The following ST18 variants were observed in gnomAD, a reference collection of about 807,000 sequenced individuals.
ST18 encodes the protein suppression of tumorigenicity 18 protein.
A neutral mutation model predicts 110.0 loss-of-function variants in ST18; 50 were observed. That is an observed-to-expected ratio of 0.45 (90% CI 0.36 to 0.58). ST18 has a LOEUF of 0.58. Ranked by LOEUF, ST18 falls within the 20% of genes least tolerant of loss-of-function variation. The probability of loss-of-function intolerance (pLI) is 0.00; values close to 1 mark genes in which losing one functional copy is unlikely to be tolerated. For missense variants in ST18, 1,306 were observed against 1,280.1 expected (o/e 1.02, Z -0.31); for synonymous variants, 461 against 452.4 (o/e 1.02, Z -0.24).
chr8:52,279,872 T>C (rs1250891577), intron 2 of ST18, among the ~76,000 whole-genome samples: 1 of 152,082 alleles, frequency 6.6e-6, no homozygotes, highest in Non-Finnish European at 1.5e-5. Flanking sequence ...AAGAATGTAC[T>C]TCAGGAGGAA....
chr8:52,350,017 C>A (rs1341935221), intron 2 of ST18, among the ~76,000 whole-genome samples: 1 of 152,128 alleles, frequency 6.6e-6, no homozygotes, highest in Admixed American at 6.5e-5. Flanking sequence ...CGCCCTTCCT[C>A]CTGTTCCACA....
intron 2 of ST18, among the ~76,000 whole-genome samples, chr8:52,336,143 T>G (rs1811945355): frequency 6.6e-6 from 1 of 152,072 alleles, no homozygotes; most frequent in South Asian, 2.1e-4. Flanking sequence ...TCTTGGATTA[T>G]TATTATTATT....
At chr8:52,262,494 T>C (rs1236597239) in intron 2 of ST18, among the ~76,000 whole-genome samples, 4 of 152,348 alleles carry the variant, frequency 2.6e-5, no homozygotes, top group African/African-American at 4.8e-5. Context: ...ATGTTGAAGA[T>C]GGCAGAGCTC....
intron 2 of ST18, among the ~76,000 whole-genome samples, chr8:52,389,044 G>A (rs1838216835): frequency 6.6e-6 from 1 of 151,684 alleles, no homozygotes. Flanking sequence ...ACCAGGGCCC[G>A]AGAAGCGTGC....
At chr8:52,245,562 T>C (rs2093777384) in intron 2 of ST18, among the ~76,000 whole-genome samples, 1 of 152,010 alleles carries the variant, frequency 6.6e-6, no homozygotes, top group Admixed American at 6.6e-5. Context: ...TTGGAAGGAG[T>C]AGAGAAAATG....
At chr8:52,182,439 A>G (rs376400863) in intron 8 of ST18, among the ~76,000 whole-genome samples, 4 of 152,242 alleles carry the variant, frequency 2.6e-5, no homozygotes, top group African/African-American at 4.8e-5. Context: ...TGGTGCATAC[A>G]TACAATGAAA....
chr8:52,402,636 G>C (rs1319676856), intron 2 of ST18, among the ~76,000 whole-genome samples: 1 of 152,180 alleles, frequency 6.6e-6, no homozygotes. Context: ...GCATAGTGAT[G>C]ACTATGGTCC....
chr8:52,360,789 A>G (rs1825386124), intron 2 of ST18, among the ~76,000 whole-genome samples: 1 of 152,180 alleles, frequency 6.6e-6, no homozygotes, highest in South Asian at 2.1e-4. Flanking sequence ...GAGTTATTTA[A>G]TGCCCAGTAA....
chr8:52,162,069 G>T (rs924966253), intron 13 of ST18, among the ~76,000 whole-genome samples: 2 of 152,122 alleles, frequency 1.3e-5, no homozygotes, highest in Admixed American at 1.3e-4. Context: ...AAATTAGCCA[G>T]GTGTGGTGGC....
At chr8:52,265,014 C>A (rs1303083369) in intron 2 of ST18, among the ~76,000 whole-genome samples, 1 of 152,142 alleles carries the variant, frequency 6.6e-6, no homozygotes, top group Non-Finnish European at 1.5e-5. Context: ...AACAGAAAAA[C>A]AAATGAGTAC....
At chr8:52,308,824 T>C (rs879742469) in intron 2 of ST18, among the ~76,000 whole-genome samples, 1 of 152,214 alleles carries the variant, frequency 6.6e-6, no homozygotes, top group African/African-American at 2.4e-5. Context: ...CCATATTTGC[T>C]GTCCAGGTGC....
intron 15 of ST18, among the ~76,000 whole-genome samples, chr8:52,152,341 C>G (rs1211725490): frequency 6.6e-6 from 1 of 152,190 alleles, no homozygotes; most frequent in Non-Finnish European, 1.5e-5. Flanking sequence ...CAAATGGCAG[C>G]ACAAAAAGGA....
At chr8:52,285,163 A>C (rs1057227343) in intron 2 of ST18, among the ~76,000 whole-genome samples, 4 of 152,198 alleles carry the variant, frequency 2.6e-5, no homozygotes. Flanking sequence ...CAGTTCCAAG[A>C]TTCTCAGGAT....
In ST18 at chr8:52,113,954, G is replaced by GTTTTTTTTTTTTTTTTTTT. The variant is rs1158213340; in HGVS notation, c.3004-635_3004-617dup. On this transcript the variant is annotated intron_variant, in intron 25 of 25. Coordinates refer to ENST00000689386, the MANE Select transcript of ST18 (RefSeq NM_001352837.2). ...CAAAGTTTAAATTTATTCATACCGT[G>GTTTTTTTTTTTTTTTTTTT]TTTTTTTTTTTTTTTTTTTTTTTTT... Among the ~76,000 whole-genome samples the GTTTTTTTTTTTTTTTTTTT allele has an allele frequency of 3.5e-4, 16 of 45,442 alleles. 5 individuals are homozygous for GTTTTTTTTTTTTTTTTTTT. The highest frequency in any genetic ancestry group is 9.5e-4 in the Admixed American group (2 of 2,100). The allele number at this position is 45,442 out of a possible 152,430, so 29.8% of individuals were successfully genotyped here. A position where few individuals can be genotyped will look rare whatever the true frequency, so the allele number is the denominator to read the frequency against.
chr8:52,149,641 G>A, intron 16 of ST18, 91 bp downstream of exon 16: 2 of 1,483,440 alleles, frequency 1.3e-6, no homozygotes, highest in Non-Finnish European at 9.1e-7. Flanking sequence ...TATCTAAACA[G>A]GAATGTGAAA....
At chr8:52,153,857 C>G (rs2059385064) in intron 15 of ST18, among the ~76,000 whole-genome samples, 1 of 152,204 alleles carries the variant, frequency 6.6e-6, no homozygotes, top group South Asian at 2.1e-4. Context: ...ATAATAATAT[C>G]TGCTTTACAG....
At chr8:52,150,065 G>A in intron 15 of ST18, 88 bp from the exon 16 acceptor site, 1 of 1,486,120 alleles carries the variant, frequency 6.7e-7, no homozygotes, top group Non-Finnish European at 9.0e-7. Context: ...CATTTTAAAT[G>A]TAAGCTTTTA....
At chr8:52,398,739 T>C (rs995368262) in intron 2 of ST18, among the ~76,000 whole-genome samples, 2 of 152,156 alleles carry the variant, frequency 1.3e-5, no homozygotes, top group African/African-American at 4.8e-5. Context: ...GCCAATGTGA[T>C]GTATCACATT....
At position 52,189,742 on chromosome 8, in the gene ST18, G is replaced by A. The variant is rs530584258; in HGVS notation, c.87-9430C>T. ...TCCGAGTTGATACCTAGGGACTGAA[G>A]CTTCATCATGGCCCTTTGATAGAGT... is the stretch of plus-strand genomic sequence containing the variant. On this transcript the variant is annotated intron_variant, in intron 8 of 25. Coordinates refer to ENST00000689386, the MANE Select transcript of ST18 (RefSeq NM_001352837.2). 5.3e-5 allele frequency among the ~76,000 whole-genome samples: 8 copies of A among 152,324 alleles called. No homozygotes were observed. In the East Asian group the frequency reaches 9.6e-4, roughly 18 times the overall value.
Sources: allele counts gnomAD v4.1 joint callset (sites outside exome capture counted in the v4.1 genomes callset), GRCh38; gene constraint gnomAD v4.1.1; transcripts MANE v1.5; gene names NCBI Gene and HGNC (gene_info 2026-07-23, HGNC 2026-07-21).